The following LMNA variants were observed in gnomAD, a reference collection of about 807,000 sequenced individuals.
The protein encoded by LMNA is lamin A/C.
A neutral mutation model predicts 70.4 loss-of-function variants in LMNA; 20 were observed. The ratio of observed to expected loss-of-function variants is 0.28; its 90% CI spans 0.20 to 0.41. The LOEUF (loss-of-function observed/expected upper bound fraction) is 0.41. LMNA is among the 10% of genes least tolerant of loss of function. The pLI is 1.00. For synonymous variants in LMNA, 339 were observed against 372.8 expected (o/e 0.91, Z 1.04); for missense variants, 652 against 917.2 (o/e 0.71, Z 3.73).
chr1:156,123,785 G>A (rs1558121316), intron 1 of LMNA, among the ~76,000 whole-genome samples: 1 of 152,226 alleles, frequency 6.6e-6, no homozygotes, highest in Admixed American at 6.5e-5. Flanking sequence ...CAGGACCCCA[G>A]TGCCCTGGCC....
At chr1:156,133,974 G>A (rs1282193597) in intron 2 of LMNA, among the ~76,000 whole-genome samples, 1 of 152,148 alleles carries the variant, frequency 6.6e-6, no homozygotes, top group Non-Finnish European at 1.5e-5. Context: ...CTTTATAGCA[G>A]TTGCTATGTT....
chr1:156,122,062 G>A (rs1456477718), intron 1 of LMNA, among the ~76,000 whole-genome samples: 3 of 152,132 alleles, frequency 2.0e-5, no homozygotes, highest in East Asian at 1.9e-4. Flanking sequence ...CCGAGATCAC[G>A]CCACTGCACT....
At chr1:156,131,246 G>A (rs1321264350) in intron 2 of LMNA, among the ~76,000 whole-genome samples, 1 of 151,874 alleles carries the variant, frequency 6.6e-6, no homozygotes, top group Admixed American at 6.6e-5. Flanking sequence ...ACTCCAGCCT[G>A]GGCAACAGAG....
Position 156,135,769 on chromosome 1 carries a change from T to G in LMNA, c.937-132T>G, listed in dbSNP as rs1651512610. On this transcript the variant is annotated intron_variant, in intron 5 of 11. Transcript: ENST00000368300. This position sits in a 1 kb window ranked among gnomAD's most constrained non-coding sequence, Gnocchi z 4.8. ...TTGTGATGTTCAGAGCTGGCTCTGA[T>G]GAGGGCTCTGGGGAAGCTCTGATTG... is the stretch of plus-strand genomic sequence containing the variant. The G allele has an allele frequency of 1.3e-5, 10 of 751,198 alleles. No homozygotes were observed. Among genetic ancestry groups the G allele is most frequent in the Non-Finnish European group, 2.0e-5 (9 of 443,936 alleles). 46.5% of individuals were successfully genotyped at this position (751,198 alleles called of 1,614,324 possible).
chr1:156,085,608 A>G (rs1360904325), intron 2 of LMNA, among the ~76,000 whole-genome samples: 1 of 152,234 alleles, frequency 6.6e-6, no homozygotes, highest in Non-Finnish European at 1.5e-5. Flanking sequence ...CAGAGGCTCA[A>G]TAGGGGTATG....
intron 1 of LMNA, 122 bp from the exon 2 acceptor site, chr1:156,130,495 G>C: frequency 9.4e-7 from 1 of 1,061,284 alleles, no homozygotes; most frequent in Non-Finnish European, 1.5e-6. Flanking sequence ...ATGCAAGGAT[G>C]CCCTCTCCTG....
intron 2 of LMNA, among the ~76,000 whole-genome samples, chr1:156,131,921 G>T (rs1651106509): frequency 6.6e-6 from 1 of 152,238 alleles, no homozygotes; most frequent in Non-Finnish European, 1.5e-5. Flanking sequence ...TATAATCCCA[G>T]CACTTTGGGA....
At chr1:156,101,861 A>C (rs1249328632) in intron 3 of LMNA, among the ~76,000 whole-genome samples, 1 of 152,138 alleles carries the variant, frequency 6.6e-6, no homozygotes, top group Non-Finnish European at 1.5e-5. Flanking sequence ...TTGGGGGCTC[A>C]TTGGCCAAGG....
intron 2 of LMNA, among the ~76,000 whole-genome samples, chr1:156,132,447 G>T (rs1651157840): frequency 6.6e-6 from 1 of 151,940 alleles, no homozygotes; most frequent in Admixed American, 6.6e-5. Flanking sequence ...TCCAGCCTAG[G>T]CAACAGAGCG....
At chr1:156,119,069 C>T (rs1650020779) in intron 1 of LMNA, among the ~76,000 whole-genome samples, 1 of 152,036 alleles carries the variant, frequency 6.6e-6, no homozygotes, top group African/African-American at 2.4e-5. Context: ...CCTCAGCCTC[C>T]TGAGTAGCTG....
rs1256578665 is a variant in LMNA at position 156,115,421 on chromosome 1, C to G, written c.356+147C>G. The G allele has an allele frequency of 1.3e-6, 1 of 744,926 alleles. No individual in the cohort carries two copies. Among genetic ancestry groups the G allele is most frequent in the East Asian group, 2.7e-5 (1 of 37,308 alleles). The allele number at this position is 744,926 out of a possible 1,614,324, so 46.1% of individuals were successfully genotyped here. A position where few individuals can be genotyped will look rare whatever the true frequency, so the allele number is the denominator to read the frequency against. ...CCTCCCTCCCCGGAACTGCCCCCAG[C>G]GGGTGACTGGCAGTGTCAAGGGGAA... On this transcript the variant is annotated intron_variant, in intron 1 of 11. Transcript: ENST00000368300. The surrounding 1 kb of genome is among the most constrained non-coding windows in gnomAD (Gnocchi z 5.8).
rs149113760 is a variant in LMNA, at chr1:156,134,415, C to T, written c.526C>T (p.Leu176=). The T allele has an allele frequency of 2.5e-6, 4 of 1,614,120 alleles. No homozygotes were observed. Among genetic ancestry groups the T allele is most frequent in the African/African-American group, 2.7e-5 (2 of 75,034 alleles). ...TGCTTCCTCACAGCTTGAGGCAGCC[C>T]TAGGTGAGGCCAAGAAGCAACTTCA... ...RGQVAKLEAA[L]GEAKKQLQDE... is the part of the protein sequence containing the mutation. Residue 176 remains leucine, a synonymous_variant, in exon 3 of 12, where the codon CTA becomes TTA. Transcript: ENST00000368300. The surrounding 1 kb of genome is among the most constrained non-coding windows in gnomAD (Gnocchi z 5.3).
intron 3 of LMNA, among the ~76,000 whole-genome samples, chr1:156,102,393 A>G (rs1649173199): frequency 6.6e-6 from 1 of 152,158 alleles, no homozygotes; most frequent in Non-Finnish European, 1.5e-5. Context: ...CAGGCAGGGC[A>G]AGGGCACCCA....
chr1:156,125,128 C>T lies in LMNA; in HGVS notation c.357-5489C>T, dbSNP rs547059733. Among the ~76,000 whole-genome samples, 60 of 152,244 alleles carry T rather than the reference C, an allele frequency of 3.9e-4. No homozygotes were observed. In the Middle Eastern group the frequency reaches 0.01, roughly 26 times the overall value. On this transcript the variant is annotated intron_variant, in intron 1 of 11. Transcript: ENST00000368300. ...TTGAGCCTGTGAACCGTCTAGTCTC[C>T]GGGTATTTGTGGGACACACAGAAAA...
At chr1:156,130,541 T>C in intron 1 of LMNA, 76 bp from the exon 2 acceptor site, 8 of 1,508,914 alleles carry the variant, frequency 5.3e-6, no homozygotes, top group Non-Finnish European at 7.4e-6. Flanking sequence ...CCCCCATGGC[T>C]GACCTCCTGG....
chr1:156,104,171 G>A (rs901484578), intron 3 of LMNA, among the ~76,000 whole-genome samples: 1 of 152,232 alleles, frequency 6.6e-6, no homozygotes, highest in African/African-American at 2.4e-5. Flanking sequence ...TGGGCGGCAG[G>A]GGTCGGGGTG....
Position 156,115,282 on chromosome 1 carries a change from C to T in LMNA, c.356+8C>T. On this transcript the variant is annotated splice_region_variant and intron_variant, in intron 1 of 11. Coordinates refer to ENST00000368300, the MANE Select transcript of LMNA (RefSeq NM_170707.4). This position sits in a 1 kb window ranked among gnomAD's most constrained non-coding sequence, Gnocchi z 5.8. Reference sequence around the variant, plus strand: ...TAAGGAGCTGAAAGCGCGGTGAGTTCGCCCAGGTGGCTGCGTGCCTGGCGG... The same window carrying T: ...TAAGGAGCTGAAAGCGCGGTGAGTTTGCCCAGGTGGCTGCGTGCCTGGCGG... The T allele has an allele frequency of 4.4e-6, 7 of 1,597,708 alleles. No homozygotes were observed. Among genetic ancestry groups the T allele is most frequent in the Non-Finnish European group, 5.9e-6 (7 of 1,176,544 alleles).
intron 2 of LMNA, among the ~76,000 whole-genome samples, chr1:156,133,925 T>A (rs1473049761): frequency 6.6e-6 from 1 of 152,214 alleles, no homozygotes; most frequent in Non-Finnish European, 1.5e-5. Flanking sequence ...ATACTTTGGT[T>A]CCTTCTCTCA....
At chr1:156,130,201 AG>A (rs1650922371) in intron 1 of LMNA, among the ~76,000 whole-genome samples, 1 of 152,082 alleles carries the variant, frequency 6.6e-6, no homozygotes, top group Admixed American at 6.6e-5. Context: ...CCTCAGAGGG[AG>A]GGAAGCTTGG....
Sources: gnomAD v4.1 joint callset for allele counts (sites outside exome capture counted in the v4.1 genomes callset) on GRCh38, gnomAD v4.1.1 for gene constraint, Gnocchi (gnomAD v3.1) non-coding constraint, MANE v1.5 for transcripts, NCBI Gene and HGNC (gene_info 2026-07-23, HGNC 2026-07-21) for gene names.